The following ALK variants were observed in gnomAD, a reference collection of about 807,000 sequenced individuals.
The protein encoded by ALK is ALK receptor tyrosine kinase.
ALK carries 74 observed loss-of-function variants against 163.1 expected under a neutral mutation model. The ratio of observed to expected loss-of-function variants is 0.45; its 90% CI spans 0.38 to 0.55. The LOEUF is 0.55. Ranked by LOEUF, ALK falls within the 20% of genes least tolerant of loss-of-function variation. The probability of loss-of-function intolerance (pLI) is 0.00; values close to 1 mark genes in which losing one functional copy is unlikely to be tolerated. For synonymous variants in ALK, 960 were observed against 843.2 expected, an observed-to-expected ratio of 1.14 and a Z score of -2.40; for missense variants, 2,063 against 2,105.3, an observed-to-expected ratio of 0.98 and a Z score of 0.39.
intron 4 of ALK, among the ~76,000 whole-genome samples, chr2:29,476,003 A>G (rs1485716225): frequency 6.6e-6 from 1 of 152,184 alleles, no homozygotes; most frequent in Admixed American, 6.5e-5. Flanking sequence ...TGGGGCAGGG[A>G]CAGTGGGGCA....
chr2:29,420,156 T>TAAAAA (rs66468654), intron 4 of ALK, among the ~76,000 whole-genome samples: 6 of 108,764 alleles, frequency 5.5e-5, no homozygotes, highest in South Asian at 3.2e-4. Context: ...GACCCTGTCT[T>TAAAAA]AAAAAAAAAA....
At chr2:29,558,349 C>T (rs1398451761) in intron 3 of ALK, among the ~76,000 whole-genome samples, 1 of 152,186 alleles carries the variant, frequency 6.6e-6, no homozygotes, top group Non-Finnish European at 1.5e-5. Context: ...CATTGCCTCT[C>T]CTTGGAGCTT....
At chr2:29,421,560 A>G (rs1235068990) in intron 4 of ALK, among the ~76,000 whole-genome samples, 1 of 151,466 alleles carries the variant, frequency 6.6e-6, no homozygotes, top group African/African-American at 2.5e-5. Flanking sequence ...GGCACGGACA[A>G]TATTTCTAAG....
Position 29,798,883 on chromosome 2 carries a change from G to A in ALK, c.668-81186C>T, listed in dbSNP as rs577564757. On this transcript the variant is annotated intron_variant, in intron 1 of 28. Transcript: ENST00000389048. ...AGAGGGAAAGAATGGAGAGGTCATC[G>A]GTGTGATGGCGAGGACACTGCATTT... Among the ~76,000 whole-genome samples, 55 of 152,310 alleles carry A rather than the reference G, an allele frequency of 3.6e-4. No individual in the cohort carries two copies. In the East Asian group the frequency reaches 9.5e-3, roughly 26 times the overall value.
chr2:29,800,364 G>A (rs548950766), intron 1 of ALK, among the ~76,000 whole-genome samples: 25 of 152,270 alleles, frequency 1.6e-4, no homozygotes, highest in East Asian at 1.5e-3. Context: ...ATTCCCAGCC[G>A]TTTCCTGAAG....
intron 23 of ALK, among the ~76,000 whole-genome samples, chr2:29,217,884 T>G (rs200914349): frequency 2.9e-5 from 1 of 34,766 alleles, no homozygotes; most frequent in Non-Finnish European, 5.5e-5. Context: ...TCATGGCACA[T>G]GTTTCTCCAT....
At chr2:29,755,732 T>C (rs1306334991) in intron 1 of ALK, among the ~76,000 whole-genome samples, 6 of 152,082 alleles carry the variant, frequency 3.9e-5, no homozygotes, top group South Asian at 4.2e-4. Flanking sequence ...TTGAGGCTCA[T>C]AGAGCTTGCC....
Position 29,275,248 on chromosome 2 carries a change from C to T in ALK, c.1913-21G>A, listed in dbSNP as rs187030891. 3.2e-5 allele frequency: 52 copies of T among 1,613,900 alleles called. No homozygotes were observed. In the African/African-American group the frequency reaches 4.3e-4, roughly 13 times the overall value. On this transcript the variant is annotated intron_variant, in intron 10 of 28. Transcript: ENST00000389048. Reference sequence around the variant, plus strand: ...GCTAACTGCAATAGAGAAGACCCCACGGGCTGAGTTAGGTGAGGGTTGATT... The same window carrying T: ...GCTAACTGCAATAGAGAAGACCCCATGGGCTGAGTTAGGTGAGGGTTGATT...
At chr2:29,775,537 C>CAA (rs770320077) in intron 1 of ALK, among the ~76,000 whole-genome samples, 7,493 of 115,214 alleles carry the variant, frequency 0.065, 423 homozygotes, top group African/African-American at 0.17. Context: ...CCTCCCCCTA[C>CAA]AAAAAAAAAA....
intron 15 of ALK, among the ~76,000 whole-genome samples, chr2:29,232,016 G>A (rs1285456554): frequency 1.8e-5 from 2 of 111,444 alleles, no homozygotes; most frequent in Admixed American, 1.8e-4. Flanking sequence ...AGGAATCTCA[G>A]GGGGAGGCTC....
intron 23 of ALK, among the ~76,000 whole-genome samples, chr2:29,217,188 TGTG>T (rs1247864284): frequency 1.3e-5 from 2 of 151,096 alleles, no homozygotes; most frequent in Non-Finnish European, 2.9e-5. Flanking sequence ...GTTGTGTACA[TGTG>T]TGGTGTTTTG....
At chr2:29,872,471 G>A (rs1666602741) in intron 1 of ALK, among the ~76,000 whole-genome samples, 1 of 152,190 alleles carries the variant, frequency 6.6e-6, no homozygotes, top group Non-Finnish European at 1.5e-5. Flanking sequence ...GTTAGCCTAG[G>A]CTACCTTAAA....
chr2:29,643,651 T>G (rs75211899), intron 3 of ALK, among the ~76,000 whole-genome samples: 2,758 of 152,246 alleles, frequency 0.018, 87 homozygotes, highest in African/African-American at 0.063. Flanking sequence ...CTCTGTCTTA[T>G]AACTTAGACC....
At chr2:29,241,778 C>CA (rs1664531255) in intron 12 of ALK, among the ~76,000 whole-genome samples, 1 of 152,144 alleles carries the variant, frequency 6.6e-6, no homozygotes. Context: ...CACACGGCAT[C>CA]ACCCAATAGC....
At chr2:29,632,670 G>A (rs905688779) in intron 3 of ALK, among the ~76,000 whole-genome samples, 2 of 152,100 alleles carry the variant, frequency 1.3e-5, no homozygotes, top group African/African-American at 4.8e-5. Context: ...CCATTTTCAC[G>A]CTGCCAATAA....
At chr2:29,746,916 TA>T (rs1297486267) in intron 1 of ALK, among the ~76,000 whole-genome samples, 2 of 152,212 alleles carry the variant, frequency 1.3e-5, no homozygotes, top group African/African-American at 4.8e-5. Flanking sequence ...ATGAGGATGT[TA>T]TGCTAAAAGA....
chr2:29,524,498 GCTCT>G, intron 4 of ALK, among the ~76,000 whole-genome samples: 1 of 152,330 alleles, frequency 6.6e-6, no homozygotes, highest in South Asian at 2.1e-4. Context: ...AATTATGGAA[GCTCT>G]CTGAGATTCG....
intron 4 of ALK, among the ~76,000 whole-genome samples, chr2:29,425,503 A>G (rs1670114597): frequency 6.6e-6 from 1 of 152,174 alleles, no homozygotes. Flanking sequence ...CAGGCATGTC[A>G]TGCTGATAAT....
At chr2:29,694,806 T>G in intron 3 of ALK, 44 bp downstream of exon 3, 1 of 1,610,926 alleles carries the variant, frequency 6.2e-7, no homozygotes, top group South Asian at 1.1e-5. Context: ...TATTCCAGCC[T>G]GGCCCTGACC....
Sources: gnomAD v4.1 joint callset for allele counts (sites outside exome capture counted in the v4.1 genomes callset) on GRCh38, gnomAD v4.1.1 for gene constraint, MANE v1.5 for transcripts, NCBI Gene and HGNC (gene_info 2026-07-23, HGNC 2026-07-21) for gene names.